The following SYN3 variants were observed in gnomAD, a reference collection of about 807,000 sequenced individuals.
SYN3 encodes synapsin III.
A neutral mutation model predicts 65.8 loss-of-function variants in SYN3; 35 were observed. That is an observed-to-expected ratio of 0.53 (90% CI 0.41 to 0.70). The LOEUF (loss-of-function observed/expected upper bound fraction) is 0.70, where lower values mean the gene tolerates loss of function less well. Among genes scored for constraint, SYN3 ranks in the 30% least tolerant of loss-of-function variants. SYN3 has a pLI of 0.00. For missense variants in SYN3, 680 were observed against 749.0 expected, an observed-to-expected ratio of 0.91 and a Z score of 1.08; for synonymous variants, 270 against 292.9, an observed-to-expected ratio of 0.92 and a Z score of 0.80.
In SYN3 at chr22:32,513,134, T is replaced by C. The variant is rs939910971; in HGVS notation, c.*558A>G. ...GCCGAGTGTGATGGGGGCCTTTGCC[T>C]GCCTGGTCTAAGGGCGGGTCTTGAG... On this transcript the variant is annotated 3_prime_UTR_variant, in exon 14 of 14. Transcript: ENST00000358763. 1 of 152,522 alleles carries C rather than the reference T, an allele frequency of 6.6e-6. No individual in the cohort carries two copies. Among genetic ancestry groups the C allele is most frequent in the Non-Finnish European group, 1.5e-5 (1 of 68,082 alleles). The allele number at this position is 152,522 out of a possible 1,614,324, so 9.4% of individuals were successfully genotyped here.
intron 6 of SYN3, among the ~76,000 whole-genome samples, chr22:32,855,361 G>A (rs971452835): frequency 6.6e-6 from 1 of 152,186 alleles, no homozygotes; most frequent in Non-Finnish European, 1.5e-5. Flanking sequence ...GAGGCACAGT[G>A]GCCATAAATG....
chr22:32,684,149 G>A (rs1487849036), intron 6 of SYN3, among the ~76,000 whole-genome samples: 6 of 152,150 alleles, frequency 3.9e-5, no homozygotes, highest in South Asian at 2.1e-4. Context: ...GATCCAGTGG[G>A]GGAACATGAC....
intron 6 of SYN3, among the ~76,000 whole-genome samples, chr22:32,693,383 C>T (rs1036906416): frequency 9.2e-5 from 14 of 152,080 alleles, no homozygotes; most frequent in African/African-American, 1.7e-4. Context: ...CTGGACAGGA[C>T]GAGATTTCGT....
intron 7 of SYN3, among the ~76,000 whole-genome samples, chr22:32,587,635 G>T (rs1362702113): frequency 6.6e-6 from 1 of 152,128 alleles, no homozygotes. Flanking sequence ...GGCCGACCAG[G>T]CCCGGAAAGC....
chr22:32,692,792 A>G (rs960620324), intron 6 of SYN3, among the ~76,000 whole-genome samples: 9 of 152,078 alleles, frequency 5.9e-5, no homozygotes, highest in African/African-American at 2.2e-4. Flanking sequence ...CATTTTTCAT[A>G]TTATATTATA....
Position 32,801,949 on chromosome 22 carries a change from C to G in SYN3, c.711+62966G>C. ...GCAGCAGCCCCGCCGGCGGCGCGCA[C>G]GGCAACTTTGGAGAGGCGAGCAGCA... On this transcript the variant is annotated intron_variant, in intron 6 of 13. Transcript: ENST00000358763. This position sits in a 1 kb window ranked among gnomAD's most constrained non-coding sequence, Gnocchi z 4.7. 1 of 1,550,748 alleles carries G rather than the reference C, an allele frequency of 6.4e-7. No homozygotes were observed. Among genetic ancestry groups the G allele is most frequent in the Non-Finnish European group, 8.6e-7 (1 of 1,158,012 alleles).
chr22:32,534,078 C>A (rs949583220), intron 9 of SYN3, among the ~76,000 whole-genome samples, 183 bp from the exon 10 acceptor site: 1 of 152,030 alleles, frequency 6.6e-6, no homozygotes, highest in Non-Finnish European at 1.5e-5. Context: ...GAGTTGGAGT[C>A]CAACACGCAG....
intron 10 of SYN3, 113 bp downstream of exon 10, chr22:32,533,680 T>C: frequency 1.5e-6 from 1 of 688,500 alleles, no homozygotes. Flanking sequence ...GGGTTGCGTG[T>C]GCCCTGGAGC....
intron 1 of SYN3, among the ~76,000 whole-genome samples, chr22:33,050,211 G>A (rs993310584): frequency 2.6e-5 from 4 of 152,140 alleles, no homozygotes; most frequent in Admixed American, 6.5e-5. Context: ...GCCAGGCACA[G>A]TGGCTCACAC....
chr22:32,605,974 G>T (rs2059366672), intron 6 of SYN3, among the ~76,000 whole-genome samples: 1 of 152,178 alleles, frequency 6.6e-6, no homozygotes, highest in African/African-American at 2.4e-5. Flanking sequence ...CAGATTGATG[G>T]GAGGAATGGA....
rs2057680370 is a variant in SYN3 at position 32,510,639 on chromosome 22, A to G, written c.*3053T>C. 6.6e-6 allele frequency among the ~76,000 whole-genome samples: 1 copy of G among 152,186 alleles called. No individual in the cohort carries two copies. The highest frequency in any genetic ancestry group is 1.5e-5 in the Non-Finnish European group (1 of 68,042). On this transcript the variant is annotated 3_prime_UTR_variant, in exon 14 of 14. Coordinates refer to ENST00000358763, the MANE Select transcript of SYN3 (RefSeq NM_003490.4). The stretch of plus-strand genomic sequence containing the variant: ...CTACCCCTGAGTAAGGAGGGTGGAT[A>G]TATATTTTTTTAAGTGGAAGAAACC...
intron 6 of SYN3, among the ~76,000 whole-genome samples, chr22:32,627,794 T>C (rs1408058202): frequency 6.6e-6 from 1 of 151,742 alleles, no homozygotes; most frequent in Non-Finnish European, 1.5e-5. Context: ...GCTCCACCTG[T>C]ACAAACACAG....
At chr22:32,843,897 A>T (rs1403747968) in intron 6 of SYN3, among the ~76,000 whole-genome samples, 1 of 151,930 alleles carries the variant, frequency 6.6e-6, no homozygotes, top group Admixed American at 6.6e-5. Context: ...AAATCATTCT[A>T]TGGGGTCTTT....
At chr22:32,990,757 A>G (rs1403614217) in intron 2 of SYN3, among the ~76,000 whole-genome samples, 3 of 152,184 alleles carry the variant, frequency 2.0e-5, no homozygotes, top group Non-Finnish European at 2.9e-5. Context: ...TACTTTTAAA[A>G]TAGAATATTC....
At chr22:33,034,277 T>G (rs532292981) in intron 1 of SYN3, among the ~76,000 whole-genome samples, 1 of 151,678 alleles carries the variant, frequency 6.6e-6, no homozygotes, top group East Asian at 2.0e-4. Flanking sequence ...GACAGAGTCT[T>G]GCTCTGTTGT....
intron 1 of SYN3, among the ~76,000 whole-genome samples, chr22:33,048,508 C>G (rs1205385389): frequency 5.9e-5 from 9 of 152,090 alleles, no homozygotes; most frequent in Non-Finnish European, 1.0e-4. Flanking sequence ...GGCTTGGTGT[C>G]CTCCCCTTGG....
At chr22:32,765,664 T>C (rs901347613) in intron 6 of SYN3, among the ~76,000 whole-genome samples, 9 of 152,034 alleles carry the variant, frequency 5.9e-5, no homozygotes, top group South Asian at 2.1e-4. Context: ...AGTTTGGGCA[T>C]GGCTGGCAGG....
At chr22:32,859,945 G>A in intron 6 of SYN3, 1 of 159,022 alleles carries the variant, frequency 6.3e-6, no homozygotes, top group East Asian at 1.9e-4. Flanking sequence ...GTCTGTCTGT[G>A]TCTGCATGTA....
intron 7 of SYN3, among the ~76,000 whole-genome samples, chr22:32,593,249 ATT>A (rs57051276): frequency 1.3e-4 from 18 of 140,914 alleles, no homozygotes; most frequent in East Asian, 8.3e-4. Context: ...CGTCTGTGTC[ATT>A]TTTTTTTTTT....
Sources: allele counts gnomAD v4.1 joint callset (sites outside exome capture counted in the v4.1 genomes callset), GRCh38; gene constraint gnomAD v4.1.1; non-coding constraint Gnocchi (gnomAD v3.1); transcripts MANE v1.5; gene names NCBI Gene and HGNC (gene_info 2026-07-23, HGNC 2026-07-21).